DYRK2: variants seen among roughly 807,000 people sequenced by gnomAD.
DYRK2 encodes dual specificity tyrosine phosphorylation regulated kinase 2.
DYRK2 carries 12 observed loss-of-function variants against 41.6 expected under a neutral mutation model. The ratio of observed to expected loss-of-function variants is 0.29; its 90% CI spans 0.18 to 0.47. DYRK2 has a LOEUF of 0.47. DYRK2 is among the 20% of genes least tolerant of loss of function. DYRK2 has a pLI of 1.00. For missense variants in DYRK2, 678 were observed against 798.4 expected (o/e 0.85, Z 1.82); for synonymous variants, 322 against 315.7 (o/e 1.02, Z -0.21).
chr12:67,650,999 G>A (rs1030073693), intron 2 of DYRK2, among the ~76,000 whole-genome samples: 3 of 152,224 alleles, frequency 2.0e-5, no homozygotes, highest in Admixed American at 1.3e-4. Flanking sequence ...AGAACTGTGA[G>A]GGGATGTCTA....
chr12:67,649,210 T>C (rs1367582812), intron 1 of DYRK2, 28 bp downstream of exon 1: 1 of 1,473,638 alleles, frequency 6.8e-7, no homozygotes. Context: ...CCGCGCCGCA[T>C]CCCCGGACCC....
rs373200058 is a variant in DYRK2, at chr12:67,657,546, G to A, written c.639G>A (p.Val213=). The change falls in exon 3 of 3, where the codon GTG becomes GTA. Residue 213 remains valine, a synonymous_variant. Transcript: ENST00000344096. This position sits in a 1 kb window ranked among gnomAD's most constrained non-coding sequence, Gnocchi z 4.8. ...ATGACCAGGGATCATATGTGCAGGT[G>A]CCCCACGATCACGTGGCTTACAGGT... is the stretch of plus-strand genomic sequence containing the variant. ...YDDDQGSYVQ[V]PHDHVAYRYE... The A allele has an allele frequency of 3.7e-6, 6 of 1,613,956 alleles. No individual in the cohort carries two copies. The highest frequency in any genetic ancestry group is 3.4e-6 in the Non-Finnish European group (4 of 1,179,996).
Position 67,663,311 on chromosome 12 carries a change from A to G in DYRK2, c.*4598A>G, listed in dbSNP as rs2120860937. ...AGCTAAGAGTTTACTTACAGATGAC[A>G]GCAAGCAGATGCTCTAGTAATTCGT... On this transcript the variant is annotated 3_prime_UTR_variant, in exon 3 of 3. Coordinates refer to ENST00000344096, the MANE Select transcript of DYRK2 (RefSeq NM_006482.3). 6.6e-6 allele frequency: 1 copy of G among 152,284 alleles called. No homozygotes were observed. Among genetic ancestry groups the G allele is most frequent in the Middle Eastern group, 3.4e-3 (1 of 294 alleles). The allele number at this position is 152,284 out of a possible 1,614,324, so 9.4% of individuals were successfully genotyped here.
rs961362674 is a variant in DYRK2 at position 67,661,156 on chromosome 12, C to T, written c.*2443C>T. On this transcript the variant is annotated 3_prime_UTR_variant, in exon 3 of 3. Coordinates refer to ENST00000344096, the MANE Select transcript of DYRK2 (RefSeq NM_006482.3). The stretch of plus-strand genomic sequence containing the variant: ...TTTTTATTCACAAGAGCTGCCACAT[C>T]TCAGCATTTAGTAATAGAGCTGCTT... 4.8e-5 allele frequency: 8 copies of T among 166,256 alleles called. No individual in the cohort carries two copies. Among genetic ancestry groups the T allele is most frequent in the Admixed American group, 2.6e-4 (4 of 15,228 alleles). The allele number at this position is 166,256 out of a possible 1,614,324, so 10.3% of individuals were successfully genotyped here. A position where few individuals can be genotyped will look rare whatever the true frequency, so the allele number is the denominator to read the frequency against.
At chr12:67,651,004 T>C (rs1354204077) in intron 2 of DYRK2, among the ~76,000 whole-genome samples, 1 of 152,234 alleles carries the variant, frequency 6.6e-6, no homozygotes, top group African/African-American at 2.4e-5. Flanking sequence ...TGTGAGGGGA[T>C]GTCTAGACTG....
chr12:67,656,696 C>T (rs941809069), intron 2 of DYRK2, among the ~76,000 whole-genome samples: 1 of 151,850 alleles, frequency 6.6e-6, no homozygotes, highest in African/African-American at 2.4e-5. Flanking sequence ...TGTTAATAAA[C>T]TACTAGATGA....
chr12:67,655,695 A>T (rs1872448667), intron 2 of DYRK2, among the ~76,000 whole-genome samples: 1 of 152,190 alleles, frequency 6.6e-6, no homozygotes, highest in Admixed American at 6.5e-5. Context: ...GGAAGCTCAC[A>T]CTCCACATAG....
rs1872677218 is a variant in DYRK2, at chr12:67,663,596, A to C, written c.*4883A>C. ...ACCCAGTGCAAAAAACCCAATCAGC[A>C]AACTAACCCCAAAATCCAATATATT... On this transcript the variant is annotated 3_prime_UTR_variant, in exon 3 of 3. Transcript: ENST00000344096. The C allele has an allele frequency of 6.6e-6, 1 of 152,164 alleles. No homozygotes were observed. Among genetic ancestry groups the C allele is most frequent in the African/African-American group, 2.4e-5 (1 of 41,458 alleles). The allele number at this position is 152,164 out of a possible 1,614,324, so 9.4% of individuals were successfully genotyped here. A position where few individuals can be genotyped will look rare whatever the true frequency, so the allele number is the denominator to read the frequency against.
rs769926495 is a variant in DYRK2 at position 67,658,492 on chromosome 12, G to C, written c.1585G>C (p.Ala529Pro). 1 of 1,609,500 alleles carries C rather than the reference G, an allele frequency of 6.2e-7. No individual in the cohort carries two copies. Among genetic ancestry groups the C allele is most frequent in the South Asian group, 1.1e-5 (1 of 90,086 alleles). Residue 529 changes from alanine (A) to proline (P), a missense_variant, in exon 3 of 3, where the codon GCT (alanine) becomes CCT (proline). Ala to Pro is a conservative substitution (Grantham distance 27). Transcript: ENST00000344096. The surrounding 1 kb of genome is among the most constrained non-coding windows in gnomAD (Gnocchi z 4.3). ...TGCAGTGCGCATGACCCCAGGCCAG[G>C]CTTTGCGGCACCCCTGGCTGAGGAG... ...DPAVRMTPGQ[A>P]LRHPWLRRRL...
At chr12:67,653,901 G>A (rs975026780) in intron 2 of DYRK2, among the ~76,000 whole-genome samples, 2 of 152,198 alleles carry the variant, frequency 1.3e-5, no homozygotes, top group African/African-American at 4.8e-5. Flanking sequence ...AGAGAAATAA[G>A]TAAAAGGGTG....
rs1333011613 is a variant in DYRK2 at position 67,660,089 on chromosome 12, AT to A, written c.*1380del. 4.2e-4 allele frequency: 70 copies of A among 167,176 alleles called. No homozygotes were observed. The highest frequency in any genetic ancestry group is 1.6e-3 in the African/African-American group (66 of 41,574). The allele number at this position is 167,176 out of a possible 1,614,324, so 10.4% of individuals were successfully genotyped here. A position where few individuals can be genotyped will look rare whatever the true frequency, so the allele number is the denominator to read the frequency against. ...TTATTTTCACAGTGAAAATTTCAGT[AT>A]TTTATCACTAATGTATGAGCAATGA... On this transcript the variant is annotated 3_prime_UTR_variant, in exon 3 of 3. Transcript: ENST00000344096.
In DYRK2 at chr12:67,664,986, AGTT is replaced by A. The variant is rs1208187245; in HGVS notation, c.*6274_*6276del. ...ACTTTACTGATACTCAGGGATTAAAAGTTAAATTTTACTGACTGTAGCAGCAGG... is the reference window on the plus strand; with the variant it reads ...ACTTTACTGATACTCAGGGATTAAAAAAATTTTACTGACTGTAGCAGCAGG... On this transcript the variant is annotated 3_prime_UTR_variant, in exon 3 of 3. Transcript: ENST00000344096. 6.6e-6 allele frequency: 1 copy of A among 152,160 alleles called. No individual in the cohort carries two copies. Among genetic ancestry groups the A allele is most frequent in the Non-Finnish European group, 1.5e-5 (1 of 68,008 alleles). The allele number at this position is 152,160 out of a possible 1,614,324, so 9.4% of individuals were successfully genotyped here. A position where few individuals can be genotyped will look rare whatever the true frequency, so the allele number is the denominator to read the frequency against.
intron 2 of DYRK2, among the ~76,000 whole-genome samples, chr12:67,650,640 G>A (rs1872295142): frequency 6.6e-6 from 1 of 152,226 alleles, no homozygotes; most frequent in African/African-American, 2.4e-5. Context: ...AGGTGCTGTG[G>A]TCTCTGGGAG....
intron 1 of DYRK2, 57 bp from the exon 2 acceptor site, chr12:67,649,740 C>G (rs1263279168): frequency 7.7e-7 from 1 of 1,300,246 alleles, no homozygotes; most frequent in East Asian, 2.8e-5. Context: ...GAGGGGGGGT[C>G]TGGGTGACTT....
Position 67,649,057 on chromosome 12 carries a change from G to C in DYRK2, c.-77G>C. On this transcript the variant is annotated 5_prime_UTR_variant, in exon 1 of 3. Coordinates refer to ENST00000344096, the MANE Select transcript of DYRK2 (RefSeq NM_006482.3). Reference sequence around the variant, plus strand: ...CGCGAGGGGCGGCCGGGAGGCGGCGGCGGCGGCCGCCAGAAGTAGCAGCAG... The same window carrying C: ...CGCGAGGGGCGGCCGGGAGGCGGCGCCGGCGGCCGCCAGAAGTAGCAGCAG... The C allele has an allele frequency of 7.7e-7, 1 of 1,296,046 alleles. No homozygotes were observed. The highest frequency in any genetic ancestry group is 3.4e-5 in the Admixed American group (1 of 29,438). 80.3% of individuals were successfully genotyped at this position (1,296,046 alleles called of 1,614,324 possible).
rs756064741 is a variant in DYRK2, at chr12:67,657,045, T to C, written c.199-61T>C. 2.7e-6 allele frequency: 4 copies of C among 1,498,816 alleles called. No homozygotes were observed. Among genetic ancestry groups the C allele is most frequent in the South Asian group, 1.4e-5 (1 of 72,842 alleles). 92.8% of individuals were successfully genotyped at this position (1,498,816 alleles called of 1,614,324 possible). A position where few individuals can be genotyped will look rare whatever the true frequency, so the allele number is the denominator to read the frequency against. ...GGGCGGTGGTGTTGTTGGGGGTTAC[T>C]TATACACCATTTGAACAGACACCAC... On this transcript the variant is annotated intron_variant, in intron 2 of 2. Coordinates refer to ENST00000344096, the MANE Select transcript of DYRK2 (RefSeq NM_006482.3). The surrounding 1 kb of genome is among the most constrained non-coding windows in gnomAD (Gnocchi z 4.8).
In DYRK2 at chr12:67,657,162, C is replaced by T. The variant is rs546992961; in HGVS notation, c.255C>T (p.His85=). 113 of 1,607,208 alleles carry T rather than the reference C, an allele frequency of 7.0e-5. No homozygotes were observed. Among genetic ancestry groups the T allele is most frequent in the Middle Eastern group, 1.7e-4 (1 of 6,018 alleles). Residue 85 remains histidine (H), a synonymous_variant, in exon 3 of 3, where the codon CAC becomes CAT. Transcript: ENST00000344096. The surrounding 1 kb of genome is among the most constrained non-coding windows in gnomAD (Gnocchi z 4.8). The part of the protein sequence containing the change: ...NDHLHVGSHA[H]GQIQVQQLFE... ...ACCTGCATGTCGGCAGCCACGCTCACGGACAGATCCAGGTTCAACAGTTGT... is the reference window on the plus strand; with the variant it reads ...ACCTGCATGTCGGCAGCCACGCTCATGGACAGATCCAGGTTCAACAGTTGT...
Position 67,665,335 on chromosome 12 carries a change from A to G in DYRK2, c.*6622A>G, listed in dbSNP as rs1034669983. ...AGTAAAGCTTACTGAATTGTTTTCA[A>G]TTGTTTTGGGAGAAATGTAACTAAT... On this transcript the variant is annotated 3_prime_UTR_variant, in exon 3 of 3. Coordinates refer to ENST00000344096, the MANE Select transcript of DYRK2 (RefSeq NM_006482.3). 2 of 152,208 alleles carry G rather than the reference A, an allele frequency of 1.3e-5. No homozygotes were observed. Among genetic ancestry groups the G allele is most frequent in the Admixed American group, 1.3e-4 (2 of 15,276 alleles). The allele number at this position is 152,208 out of a possible 1,614,324, so 9.4% of individuals were successfully genotyped here. A position where few individuals can be genotyped will look rare whatever the true frequency, so the allele number is the denominator to read the frequency against.
rs558116966 is a variant in DYRK2 at position 67,664,239 on chromosome 12, C to G, written c.*5526C>G. 1 of 152,124 alleles carries G rather than the reference C, an allele frequency of 6.6e-6. No homozygotes were observed. Among genetic ancestry groups the G allele is most frequent in the East Asian group, 1.9e-4 (1 of 5,178 alleles). The allele number at this position is 152,124 out of a possible 1,614,324, so 9.4% of individuals were successfully genotyped here. ...TTTGCTATGGTCATATCCTTAATATCTGCGGTACATTTCATATATATATAT... is the reference window on the plus strand; with the variant it reads ...TTTGCTATGGTCATATCCTTAATATGTGCGGTACATTTCATATATATATAT... On this transcript the variant is annotated 3_prime_UTR_variant, in exon 3 of 3. Transcript: ENST00000344096.
Sources: gnomAD v4.1 joint callset for allele counts (sites outside exome capture counted in the v4.1 genomes callset) on GRCh38, gnomAD v4.1.1 for gene constraint, Gnocchi (gnomAD v3.1) non-coding constraint, MANE v1.5 for transcripts, NCBI Gene and HGNC (gene_info 2026-07-23, HGNC 2026-07-21) for gene names.